TRHDE: variants seen among roughly 807,000 people sequenced by gnomAD.
TRHDE encodes the protein thyrotropin-releasing hormone-degrading ectoenzyme.
A neutral mutation model predicts 125.7 loss-of-function variants in TRHDE; 72 were observed. The ratio of observed to expected loss-of-function variants is 0.57; its 90% CI spans 0.47 to 0.70. TRHDE has a LOEUF of 0.70. TRHDE is among the 30% of genes least tolerant of loss of function. TRHDE has a pLI of 0.00. For synonymous variants in TRHDE, 509 were observed against 509.1 expected (o/e 1.00, Z 0.00); for missense variants, 1,110 against 1,327.1 (o/e 0.84, Z 2.54).
intron 2 of TRHDE, among the ~76,000 whole-genome samples, chr12:72,331,600 C>T (rs917194000): frequency 2.0e-5 from 3 of 151,982 alleles, no homozygotes; most frequent in East Asian, 3.9e-4. Context: ...GCAAGCTGGG[C>T]GAGACTTCAT....
At chr12:72,579,887 G>A (rs1871156331) in intron 12 of TRHDE, among the ~76,000 whole-genome samples, 1 of 151,988 alleles carries the variant, frequency 6.6e-6, no homozygotes, top group Admixed American at 6.6e-5. Context: ...TAATGCAAAT[G>A]CCCATATTTT....
chr12:72,642,928 C>T (rs959927268), intron 15 of TRHDE, among the ~76,000 whole-genome samples: 1 of 152,124 alleles, frequency 6.6e-6, no homozygotes, highest in Non-Finnish European at 1.5e-5. Flanking sequence ...TAAACTGTCC[C>T]TAGAGCAATC....
At chr12:72,383,008 TC>T (rs1028510669) in intron 3 of TRHDE, among the ~76,000 whole-genome samples, 2 of 152,200 alleles carry the variant, frequency 1.3e-5, no homozygotes, top group Admixed American at 1.3e-4. Flanking sequence ...ATAAAGACAC[TC>T]CTGTATCATT....
rs76289628 is a variant in TRHDE, at chr12:72,307,169, A to T, written c.1188+20215A>T. On this transcript the variant is annotated intron_variant, in intron 2 of 18. Transcript: ENST00000261180. ...GTGATCTGTCAGACTTTTTTTTTAG[A>T]TGAGTTTTCCTCTGTCGCTCTGGCT... 6.7e-3 allele frequency among the ~76,000 whole-genome samples: 1,015 copies of T among 151,758 alleles called. 16 individuals carry two copies. Among genetic ancestry groups the T allele is most frequent in the African/African-American group, 0.023 (958 of 41,396 alleles).
intron 18 of TRHDE, among the ~76,000 whole-genome samples, chr12:72,657,945 C>T (rs1355173881): frequency 2.6e-5 from 4 of 152,102 alleles, no homozygotes; most frequent in Non-Finnish European, 2.9e-5. Flanking sequence ...TAATGCTGTG[C>T]CCCACAGCTA....
chr12:72,486,276 C>T (rs1333336908), intron 5 of TRHDE, among the ~76,000 whole-genome samples: 1 of 152,086 alleles, frequency 6.6e-6, no homozygotes, highest in Non-Finnish European at 1.5e-5. Flanking sequence ...ACCTCAAGTC[C>T]CAGGTGCTAT....
chr12:72,092,935 G>C (rs1874826441), intron 1 of TRHDE, among the ~76,000 whole-genome samples: 2 of 152,106 alleles, frequency 1.3e-5, no homozygotes, highest in African/African-American at 4.8e-5. Flanking sequence ...CCTCCCCAAG[G>C]CTTCCTTGAA....
chr12:72,401,672 A>G (rs958794874), intron 3 of TRHDE, among the ~76,000 whole-genome samples: 3 of 152,232 alleles, frequency 2.0e-5, no homozygotes, highest in African/African-American at 7.2e-5. Flanking sequence ...TATTTTTTAT[A>G]TCATCTTATA....
At chr12:72,224,091 C>CATCTATCT (rs755241021) in intron 2 of TRHDE, among the ~76,000 whole-genome samples, 7,326 of 49,538 alleles carry the variant, frequency 0.15, 253 homozygotes, top group East Asian at 0.2. Flanking sequence ...TCTATCTATC[C>CATCTATCT]ATCTATCTAT....
chr12:72,490,307 A>G (rs1336052555), intron 5 of TRHDE, among the ~76,000 whole-genome samples: 1 of 151,868 alleles, frequency 6.6e-6, no homozygotes, highest in Non-Finnish European at 1.5e-5. Flanking sequence ...TAGGATGACT[A>G]TTATCAAAAA....
intron 5 of TRHDE, among the ~76,000 whole-genome samples, chr12:72,481,157 A>G (rs1565759325): frequency 6.6e-6 from 1 of 152,040 alleles, no homozygotes; most frequent in Admixed American, 6.6e-5. Flanking sequence ...TATGTTTTAA[A>G]AGACATTAGA....
intron 9 of TRHDE, among the ~76,000 whole-genome samples, chr12:72,568,340 T>A (rs1025622353): frequency 6.6e-6 from 1 of 152,132 alleles, no homozygotes; most frequent in Non-Finnish European, 1.5e-5. Context: ...TTGTTGGCAG[T>A]TCTCTTTGCA....
In TRHDE at chr12:72,621,663, A is replaced by T. The variant is rs199861881; in HGVS notation, c.2587A>T (p.Ile863Leu). The T allele has an allele frequency of 3.2e-5, 52 of 1,607,420 alleles. No individual in the cohort carries two copies. The East Asian group carries it at 1.1e-3, about 35-fold the overall frequency. Residue 863 changes from isoleucine (I) to leucine (L), a missense_variant, in exon 15 of 19, where the codon ATA (isoleucine) becomes TTA (leucine). Transcript: ENST00000261180. ...YQHEELRREV[I>L]MLACSFGNKH... is the part of the protein sequence containing the mutation. ...ATCTAGAGAACTACGTAGAGAAGTT[A>T]TAATGCTGGCCTGCAGTTTTGGCAA...
At chr12:72,464,056 T>C (rs1007242455) in intron 3 of TRHDE, among the ~76,000 whole-genome samples, 1 of 152,306 alleles carries the variant, frequency 6.6e-6, no homozygotes, top group African/African-American at 2.4e-5. Flanking sequence ...TTAACTTTCC[T>C]TTAGTATGTA....
intron 2 of TRHDE, among the ~76,000 whole-genome samples, chr12:72,347,433 T>C (rs1870373719): frequency 6.6e-6 from 1 of 152,126 alleles, no homozygotes; most frequent in Non-Finnish European, 1.5e-5. Flanking sequence ...ATTTAGTGGC[T>C]TAGAAAGCAG....
intron 2 of TRHDE, among the ~76,000 whole-genome samples, chr12:72,196,669 C>A (rs925239811): frequency 1.3e-5 from 2 of 152,038 alleles, no homozygotes; most frequent in Non-Finnish European, 2.9e-5. Flanking sequence ...ACCACTTTTC[C>A]TTTCTTCCTA....
chr12:72,201,586 G>A (rs1351513124), intron 2 of TRHDE, among the ~76,000 whole-genome samples: 1 of 152,080 alleles, frequency 6.6e-6, no homozygotes, highest in East Asian at 1.9e-4. Flanking sequence ...CTAATGGAGT[G>A]AAGCATGCTG....
intron 3 of TRHDE, among the ~76,000 whole-genome samples, chr12:72,463,633 G>C (rs1426210004): frequency 6.6e-6 from 1 of 152,166 alleles, no homozygotes; most frequent in East Asian, 1.9e-4. Context: ...GAGGATACCA[G>C]ACTCTTTCAC....
intron 3 of TRHDE, among the ~76,000 whole-genome samples, chr12:72,387,002 T>G (rs935966565): frequency 9.2e-5 from 14 of 152,216 alleles, no homozygotes; most frequent in African/African-American, 3.1e-4. Flanking sequence ...CTCTTTGCTA[T>G]TTACATTGGT....
Sources: allele counts gnomAD v4.1 joint callset (sites outside exome capture counted in the v4.1 genomes callset), GRCh38; gene constraint gnomAD v4.1.1; transcripts MANE v1.5; gene names NCBI Gene and HGNC (gene_info 2026-07-23, HGNC 2026-07-21).